Variants in PSKH2 observed in about 807,000 individuals in gnomAD.
The protein encoded by PSKH2 is protein serine kinase H2.
Under a neutral mutation model 22.5 loss-of-function variants are expected in PSKH2, and 16 were observed. That is an observed-to-expected ratio of 0.71 (90% CI 0.48 to 1.08). The LOEUF (loss-of-function observed/expected upper bound fraction) is 1.08. Ranked by LOEUF, PSKH2 falls within the 50% of genes least tolerant of loss-of-function variation. The probability of loss-of-function intolerance (pLI) is 0.00; values close to 1 mark genes in which losing one functional copy is unlikely to be tolerated. For synonymous variants in PSKH2, 188 were observed against 184.8 expected (o/e 1.02, Z -0.14); for missense variants, 516 against 492.8 (o/e 1.05, Z -0.44).
chr8:86,049,010 C>T (rs911512549), intron 2 of PSKH2, among the ~76,000 whole-genome samples: 1 of 152,158 alleles, frequency 6.6e-6, no homozygotes, highest in Non-Finnish European at 1.5e-5. Flanking sequence ...CTCTTCCAAA[C>T]TCTTTGTCCA....
chr8:86,068,635 A>C (rs79393815), intron 1 of PSKH2, among the ~76,000 whole-genome samples: 5 of 152,206 alleles, frequency 3.3e-5, no homozygotes, highest in Admixed American at 1.3e-4. Flanking sequence ...TACATGGTAC[A>C]TGATAGAAGA....
chr8:86,069,602 C>G lies in PSKH2; in HGVS notation c.21G>C (p.Arg7Ser), dbSNP rs755215779. 7.5e-6 allele frequency: 12 copies of G among 1,592,114 alleles called. No homozygotes were observed. Among genetic ancestry groups the G allele is most frequent in the Non-Finnish European group, 1.0e-5 (12 of 1,171,852 alleles). Reference sequence around the variant, plus strand: ...GCGCTGGTGGCCCCGGGACCACCTTCCTGCTGGCGCCGCACCCCATACCCG... The same window carrying G: ...GCGCTGGTGGCCCCGGGACCACCTTGCTGCTGGCGCCGCACCCCATACCCG... The part of the protein sequence containing the change: MGCGAS[R>S]KVVPGPPALA... The change falls in exon 1 of 3, where the codon AGG (arginine) becomes AGC (serine). Residue 7 changes from arginine (R) to serine (S), a missense_variant. By Grantham distance (110) the Arg-to-Ser change is moderately radical. Transcript: ENST00000276616.
chr8:86,061,419 C>A (rs145761258), intron 2 of PSKH2, among the ~76,000 whole-genome samples: 1 of 151,938 alleles, frequency 6.6e-6, no homozygotes, highest in East Asian at 1.9e-4. Context: ...CCAAATGGAC[C>A]GCACCCCCAT....
At chr8:86,067,028 C>T (rs1024454761) in intron 1 of PSKH2, among the ~76,000 whole-genome samples, 6 of 152,188 alleles carry the variant, frequency 3.9e-5, no homozygotes, top group African/African-American at 1.4e-4. Flanking sequence ...GCCCTCAAAG[C>T]TGCCATCAAA....
intron 2 of PSKH2, among the ~76,000 whole-genome samples, chr8:86,053,717 T>C (rs1334595423): frequency 6.6e-6 from 1 of 152,186 alleles, no homozygotes; most frequent in Non-Finnish European, 1.5e-5. Context: ...TCAGTTCCTT[T>C]GCATAAATGC....
At chr8:86,051,223 G>T (rs1817625881) in intron 2 of PSKH2, among the ~76,000 whole-genome samples, 1 of 151,936 alleles carries the variant, frequency 6.6e-6, no homozygotes, top group Non-Finnish European at 1.5e-5. Context: ...TCACATGCTG[G>T]GATTACAGGC....
chr8:86,060,004 C>G (rs1215330121), intron 2 of PSKH2, among the ~76,000 whole-genome samples: 2 of 152,136 alleles, frequency 1.3e-5, no homozygotes, highest in African/African-American at 4.8e-5. Flanking sequence ...CAGCCTTATC[C>G]TAAACTAGGA....
chr8:86,054,586 A>G (rs1032733139), intron 2 of PSKH2, among the ~76,000 whole-genome samples: 8 of 152,184 alleles, frequency 5.3e-5, no homozygotes, highest in African/African-American at 1.9e-4. Context: ...CTCAATCTAC[A>G]AAGCAGATTT....
In PSKH2 at chr8:86,064,394, G is replaced by T. The variant is rs139789006; in HGVS notation, c.423C>A (p.Thr141=). ...DQVYMVMELA[T]GGELFDRLIA... ...TGAGTCGATCAAAGAGCTCCCCTCC[G>T]GTAGCCAGCTCCATTACCATGTAAA... The change falls in exon 2 of 3, where the codon ACC becomes ACA. Residue 141 remains threonine (T), a synonymous_variant. Coordinates refer to ENST00000276616, the MANE Select transcript of PSKH2 (RefSeq NM_033126.3). 1.2e-6 allele frequency: 2 copies of T among 1,614,060 alleles called. No homozygotes were observed. The highest frequency in any genetic ancestry group is 1.7e-6 in the Non-Finnish European group (2 of 1,180,018).
chr8:86,048,891 A>T, intron 2 of PSKH2, 124 bp from the exon 3 acceptor site: 1 of 837,818 alleles, frequency 1.2e-6, no homozygotes, highest in East Asian at 2.7e-5. Flanking sequence ...TTTTCAAATA[A>T]GCAGTTTTAA....
chr8:86,056,027 A>G (rs1308815547), intron 2 of PSKH2, among the ~76,000 whole-genome samples: 1 of 151,972 alleles, frequency 6.6e-6, no homozygotes, highest in African/African-American at 2.4e-5. Flanking sequence ...TGTGGTTCAC[A>G]TCTGTAATCC....
At chr8:86,059,988 C>T (rs1817754302) in intron 2 of PSKH2, among the ~76,000 whole-genome samples, 1 of 152,196 alleles carries the variant, frequency 6.6e-6, no homozygotes, top group Admixed American at 6.5e-5. Context: ...CTCTGAGACC[C>T]ATTATCAGCC....
intron 2 of PSKH2, among the ~76,000 whole-genome samples, chr8:86,058,467 C>A (rs953479231): frequency 1.3e-5 from 2 of 152,174 alleles, no homozygotes; most frequent in Non-Finnish European, 2.9e-5. Context: ...CTTACTCATG[C>A]AGTTATAAAT....
chr8:86,054,464 A>C (rs919706516), intron 2 of PSKH2, among the ~76,000 whole-genome samples: 11 of 152,316 alleles, frequency 7.2e-5, no homozygotes, highest in Non-Finnish European at 1.2e-4. Context: ...ATTACTCTCT[A>C]TGACTTTGTT....
In PSKH2 at chr8:86,049,672, AAAG is replaced by A. The variant is rs1316403491; in HGVS notation, c.853-908_853-906del. Among the ~76,000 whole-genome samples, 77 of 133,664 alleles carry A rather than the reference AAAG, an allele frequency of 5.8e-4. 1 individual carries two copies. The highest frequency in any genetic ancestry group is 2.1e-3 in the African/African-American group (71 of 34,236). The allele number at this position is 133,664 out of a possible 152,430, so 87.7% of individuals were successfully genotyped here. On this transcript the variant is annotated intron_variant, in intron 2 of 2. Coordinates refer to ENST00000276616, the MANE Select transcript of PSKH2 (RefSeq NM_033126.3). Reference sequence around the variant, plus strand: ...GAGAGAGAGAGAGAGAAAGAGTGAGAAAGAAGAAAGAAAGAAAGAAAGAAAGAA... The same window carrying A: ...GAGAGAGAGAGAGAGAAAGAGTGAGAAAGAAAGAAAGAAAGAAAGAAAGAA...
chr8:86,065,699 A>T (rs1817846175), intron 1 of PSKH2, among the ~76,000 whole-genome samples: 1 of 152,156 alleles, frequency 6.6e-6, no homozygotes. Flanking sequence ...CTGGCCAGGC[A>T]CGGTGGGCTC....
At chr8:86,057,571 G>A (rs767813615) in intron 2 of PSKH2, among the ~76,000 whole-genome samples, 3 of 152,032 alleles carry the variant, frequency 2.0e-5, no homozygotes, top group Admixed American at 6.6e-5. Flanking sequence ...ATTTTTAGTA[G>A]AGATGGGGTT....
In PSKH2 at chr8:86,049,469, G is replaced by T. The variant is rs114294183; in HGVS notation, c.853-702C>A. On this transcript the variant is annotated intron_variant, in intron 2 of 2. Coordinates refer to ENST00000276616, the MANE Select transcript of PSKH2 (RefSeq NM_033126.3). ...AACTACTCAGGAAGCTGAGGTGGGA[G>T]GATTCCTTCAGCCCAGGCATTCAAG... Among the ~76,000 whole-genome samples the T allele has an allele frequency of 9.6e-3, 1,452 of 151,980 alleles. 24 individuals carry two copies. Among genetic ancestry groups the T allele is most frequent in the African/African-American group, 0.033 (1,372 of 41,394 alleles).
intron 2 of PSKH2, among the ~76,000 whole-genome samples, chr8:86,051,737 T>C (rs1757975189): frequency 6.6e-6 from 1 of 152,196 alleles, no homozygotes; most frequent in South Asian, 2.1e-4. Flanking sequence ...TGAATCTTTC[T>C]GAAAGAGTAT....
Sources: allele counts gnomAD v4.1 joint callset (sites outside exome capture counted in the v4.1 genomes callset), GRCh38; gene constraint gnomAD v4.1.1; transcripts MANE v1.5; gene names NCBI Gene and HGNC (gene_info 2026-07-23, HGNC 2026-07-21).